The following OSBPL10 variants were observed in gnomAD, a reference collection of about 807,000 sequenced individuals.
OSBPL10 encodes the protein oxysterol-binding protein-related protein 10.
OSBPL10 carries 49 observed loss-of-function variants against 81.7 expected under a neutral mutation model. That is an observed-to-expected ratio of 0.60 (90% CI 0.48 to 0.76). The LOEUF (loss-of-function observed/expected upper bound fraction) is 0.76, where lower values mean the gene tolerates loss of function less well. Among genes scored for constraint, OSBPL10 ranks in the 30% least tolerant of loss-of-function variants. OSBPL10 has a pLI of 0.00. For missense variants in OSBPL10, 923 were observed against 987.8 expected, an observed-to-expected ratio of 0.93 and a Z score of 0.88; for synonymous variants, 419 against 383.6, an observed-to-expected ratio of 1.09 and a Z score of -1.08.
chr3:31,690,111 C>G (rs1695483856), intron 7 of OSBPL10, among the ~76,000 whole-genome samples: 1 of 152,060 alleles, frequency 6.6e-6, no homozygotes, highest in South Asian at 2.1e-4. Flanking sequence ...TTTGTGTCCC[C>G]ACCCAAGTCT....
intron 1 of OSBPL10, among the ~76,000 whole-genome samples, chr3:31,946,721 C>G (rs528017009): frequency 6.6e-6 from 1 of 152,306 alleles, no homozygotes; most frequent in Admixed American, 6.5e-5. Context: ...GACACAAGTT[C>G]AAGGTGGAGC....
At chr3:31,866,162 A>T (rs1345352514) in intron 3 of OSBPL10, among the ~76,000 whole-genome samples, 1 of 152,116 alleles carries the variant, frequency 6.6e-6, no homozygotes, top group Non-Finnish European at 1.5e-5. Flanking sequence ...AAACAGCTTC[A>T]AATCACCTCA....
chr3:31,754,078 C>T (rs1902341), intron 4 of OSBPL10, among the ~76,000 whole-genome samples: 75,048 of 151,894 alleles, frequency 0.49, 18,861 homozygotes, highest in East Asian at 0.65. Flanking sequence ...ACTTTTTCTA[C>T]CTGACATTCT....
intron 6 of OSBPL10, among the ~76,000 whole-genome samples, chr3:31,724,287 T>C (rs894663851): frequency 1.6e-4 from 25 of 152,262 alleles, no homozygotes; most frequent in Admixed American, 4.6e-4. Context: ...CTGAGCTTTT[T>C]TATATGGCTC....
intron 2 of OSBPL10, among the ~76,000 whole-genome samples, chr3:32,017,201 C>T (rs907766576): frequency 1.3e-5 from 2 of 152,108 alleles, no homozygotes; most frequent in African/African-American, 2.4e-5. Context: ...GGAAACGCTA[C>T]GAGGCAAATA....
chr3:31,895,134 C>CTTTTTT (rs10529845), intron 1 of OSBPL10, among the ~76,000 whole-genome samples: 8 of 124,894 alleles, frequency 6.4e-5, no homozygotes, highest in African/African-American at 1.3e-4. Flanking sequence ...TCTCTGCGGC[C>CTTTTTT]TTTTTTTTTT....
chr3:31,884,461 T>C (rs1313322073), intron 1 of OSBPL10, among the ~76,000 whole-genome samples: 3 of 152,238 alleles, frequency 2.0e-5, no homozygotes, highest in Non-Finnish European at 2.9e-5. Context: ...AAGTGTTCTT[T>C]CAGCATGGCC....
At chr3:31,875,065 C>T (rs895984720) in intron 3 of OSBPL10, among the ~76,000 whole-genome samples, 1 of 127,172 alleles carries the variant, frequency 7.9e-6, no homozygotes, top group Non-Finnish European at 1.7e-5. Context: ...ACAAAAAGAT[C>T]TCCAAAATAT....
At chr3:31,692,198 A>G (rs556690124) in intron 7 of OSBPL10, among the ~76,000 whole-genome samples, 2 of 152,338 alleles carry the variant, frequency 1.3e-5, no homozygotes, top group South Asian at 2.1e-4. Context: ...GCAGAACGTC[A>G]TCCCTTAACA....
chr3:31,865,672 CA>C, intron 3 of OSBPL10, among the ~76,000 whole-genome samples: 1 of 152,248 alleles, frequency 6.6e-6, no homozygotes, highest in South Asian at 2.1e-4. Flanking sequence ...GACTAAGACA[CA>C]ACATTTTAAT....
intron 2 of OSBPL10, among the ~76,000 whole-genome samples, chr3:32,035,875 C>T (rs747997781): frequency 3.9e-5 from 6 of 152,052 alleles, no homozygotes; most frequent in Non-Finnish European, 8.8e-5. Context: ...ATGGTGCAAC[C>T]ATCACTACCA....
chr3:31,766,261 C>T (rs1698189242), intron 4 of OSBPL10, among the ~76,000 whole-genome samples: 1 of 151,814 alleles, frequency 6.6e-6, no homozygotes, highest in East Asian at 1.9e-4. Context: ...GACACAGATC[C>T]CCCACTTCAA....
intron 3 of OSBPL10, among the ~76,000 whole-genome samples, chr3:31,869,480 C>T (rs569651404): frequency 1.3e-5 from 2 of 152,282 alleles, no homozygotes; most frequent in South Asian, 4.1e-4. Context: ...TAATTTTAAG[C>T]AATATCACTT....
rs868578309 is a variant in OSBPL10 at position 31,700,268 on chromosome 3, T to C, written c.1245+2091A>G. On this transcript the variant is annotated intron_variant, in intron 7 of 11. Transcript: ENST00000396556. ...TGGCTCTGGAAATGCAAAACAATCA[T>C]ATTCTAATAAAACAATAATAAATAT... is the stretch of plus-strand genomic sequence containing the variant. The C allele has an allele frequency of 5.3e-5, 8 of 152,336 alleles. No homozygotes were observed. In the South Asian group the frequency reaches 8.3e-4, roughly 16 times the overall value. The allele number at this position is 152,336 out of a possible 1,614,324, so 9.4% of individuals were successfully genotyped here.
At chr3:31,831,640 T>C (rs188803290) in intron 3 of OSBPL10, among the ~76,000 whole-genome samples, 1 of 152,030 alleles carries the variant, frequency 6.6e-6, no homozygotes, top group African/African-American at 2.4e-5. Context: ...CATAGGAAAA[T>C]ATGTTCAACT....
chr3:31,838,503 T>A (rs1228872283), intron 3 of OSBPL10, among the ~76,000 whole-genome samples: 1 of 106,162 alleles, frequency 9.4e-6, no homozygotes. Context: ...AGAGCAAGAC[T>A]CTGTCAAAAA....
intron 6 of OSBPL10, among the ~76,000 whole-genome samples, chr3:31,706,610 T>C (rs548161396): frequency 1.3e-5 from 2 of 152,118 alleles, no homozygotes; most frequent in South Asian, 4.2e-4. Context: ...AACTGTGACG[T>C]GTGTTAGGTT....
chr3:31,936,887 A>G (rs981285296), intron 1 of OSBPL10, among the ~76,000 whole-genome samples: 3 of 152,214 alleles, frequency 2.0e-5, no homozygotes, highest in African/African-American at 7.2e-5. Context: ...ACTGAATGGA[A>G]CTGAAACCCC....
At position 32,018,690 on chromosome 3, in the gene OSBPL10, C is replaced by T. The variant is rs147775376; in HGVS notation, n.298+27801G>A. Among the ~76,000 whole-genome samples, 920 of 152,126 alleles carry T rather than the reference C, an allele frequency of 6.0e-3. 8 individuals carry two copies. The highest frequency in any genetic ancestry group is 0.021 in the African/African-American group (863 of 41,498). ...CACTGCCCTCCAGCCTGGGCAGCAACACAGCAAGACTCTGTCCTAAGGAAA... is the reference window on the plus strand; with the variant it reads ...CACTGCCCTCCAGCCTGGGCAGCAATACAGCAAGACTCTGTCCTAAGGAAA... On this transcript the variant is annotated intron_variant and non_coding_transcript_variant, in intron 2 of 3. Coordinates refer to the OSBPL10 transcript ENST00000479173.
Sources: allele counts gnomAD v4.1 joint callset (sites outside exome capture counted in the v4.1 genomes callset), GRCh38; gene constraint gnomAD v4.1.1; transcripts MANE v1.5; gene names NCBI Gene and HGNC (gene_info 2026-07-23, HGNC 2026-07-21).